The following LEKR1 variants were observed in gnomAD, a reference collection of about 807,000 sequenced individuals.
The protein encoded by LEKR1 is leucine, glutamate and lysine rich 1.
Under a neutral mutation model 72.4 loss-of-function variants are expected in LEKR1, and 59 were observed. The observed-to-expected ratio is 0.82, with a 90% confidence interval of 0.66 to 1.01. LEKR1 has a LOEUF of 1.01. LEKR1 is among the 50% of genes least tolerant of loss of function. The pLI is 0.00. For synonymous variants in LEKR1, 257 were observed against 263.2 expected, an observed-to-expected ratio of 0.98 and a Z score of 0.23; for missense variants, 728 against 759.2, an observed-to-expected ratio of 0.96 and a Z score of 0.48.
At chr3:156,852,487 G>T (rs1715482354) in intron 2 of LEKR1, among the ~76,000 whole-genome samples, 1 of 152,022 alleles carries the variant, frequency 6.6e-6, no homozygotes, top group Non-Finnish European at 1.5e-5. Context: ...ACTATTTTTG[G>T]TTTTATTTTA....
At chr3:156,834,084 G>A (rs1560011321) in intron 2 of LEKR1, among the ~76,000 whole-genome samples, 1 of 151,960 alleles carries the variant, frequency 6.6e-6, no homozygotes, top group Non-Finnish European at 1.5e-5. Flanking sequence ...GTCTTAATCA[G>A]TTTGACCATA....
At chr3:156,847,186 A>G (rs184411711) in intron 2 of LEKR1, among the ~76,000 whole-genome samples, 91 of 152,362 alleles carry the variant, frequency 6.0e-4, no homozygotes, top group Non-Finnish European at 9.0e-4. Flanking sequence ...GTTGAAGCAC[A>G]GACAGGAACT....
At chr3:156,981,013 A>G (rs538199376) in intron 7 of LEKR1, among the ~76,000 whole-genome samples, 1 of 152,322 alleles carries the variant, frequency 6.6e-6, no homozygotes, top group South Asian at 2.1e-4. Flanking sequence ...TACCTTTTCT[A>G]TGGTCAGATA....
chr3:156,863,610 A>G (rs1717000430), intron 3 of LEKR1, among the ~76,000 whole-genome samples: 2 of 152,254 alleles, frequency 1.3e-5, no homozygotes, highest in South Asian at 4.1e-4. Context: ...AGAAAAATGA[A>G]TTAACTCATT....
At chr3:156,973,201 A>G (rs1398068302) in intron 6 of LEKR1, among the ~76,000 whole-genome samples, 1 of 152,104 alleles carries the variant, frequency 6.6e-6, no homozygotes, top group Non-Finnish European at 1.5e-5. Context: ...TTATTTTTTA[A>G]TCAACTTCCA....
intron 7 of LEKR1, among the ~76,000 whole-genome samples, chr3:156,981,044 T>C (rs1730154159): frequency 6.6e-6 from 1 of 152,196 alleles, no homozygotes; most frequent in African/African-American, 2.4e-5. Flanking sequence ...TGCAAATACT[T>C]ACCATTGTGT....
chr3:156,992,835 T>C (rs1327065333), intron 8 of LEKR1, 105 bp downstream of exon 8: 1 of 316,422 alleles, frequency 3.2e-6, no homozygotes, highest in East Asian at 6.5e-5. Flanking sequence ...TATTTTCTTA[T>C]TGTTTACATA....
chr3:156,959,773 A>G (rs2107982683), intron 6 of LEKR1, among the ~76,000 whole-genome samples: 1 of 152,110 alleles, frequency 6.6e-6, no homozygotes, highest in Middle Eastern at 3.4e-3. Flanking sequence ...TTTATACCTG[A>G]ATTTGTTAAT....
rs570623970 is a variant in LEKR1, at chr3:156,853,845, A to G, written c.263+863A>G. 2.0e-5 allele frequency among the ~76,000 whole-genome samples: 3 copies of G among 152,236 alleles called. No individual in the cohort carries two copies. In the South Asian group the frequency reaches 6.2e-4, roughly 32 times the overall value. ...AAGTATTTTATGATATTTTCATGGA[A>G]AAGCTTAAAAATTTGAAGTATTATT... On this transcript the variant is annotated intron_variant, in intron 3 of 12. Coordinates refer to ENST00000356539, the MANE Select transcript of LEKR1 (RefSeq NM_001004316.3).
intron 3 of LEKR1, among the ~76,000 whole-genome samples, chr3:156,901,344 CTT>C (rs1231580027): frequency 1.9e-4 from 29 of 152,182 alleles, no homozygotes; most frequent in Non-Finnish European, 3.7e-4. Flanking sequence ...ACTTGCCTCT[CTT>C]TCTTGCCTCC....
intron 2 of LEKR1, among the ~76,000 whole-genome samples, chr3:156,833,633 A>G (rs1430805579): frequency 1.3e-5 from 2 of 152,192 alleles, no homozygotes; most frequent in Non-Finnish European, 2.9e-5. Flanking sequence ...TGATGTCAAC[A>G]TGCCAAATAA....
At chr3:157,044,638 C>T (rs901236322) in intron 12 of LEKR1, among the ~76,000 whole-genome samples, 4 of 152,202 alleles carry the variant, frequency 2.6e-5, no homozygotes, top group Admixed American at 1.3e-4. Flanking sequence ...TACGAAGGTA[C>T]AAACTTCTTG....
At chr3:156,984,844 A>G (rs1413204926) in intron 7 of LEKR1, among the ~76,000 whole-genome samples, 1 of 151,990 alleles carries the variant, frequency 6.6e-6, no homozygotes, top group Non-Finnish European at 1.5e-5. Flanking sequence ...TAAACTTTTG[A>G]CCATCACAAA....
intron 5 of LEKR1, among the ~76,000 whole-genome samples, chr3:156,936,564 C>T (rs1449024671): frequency 6.6e-6 from 1 of 152,016 alleles, no homozygotes; most frequent in Non-Finnish European, 1.5e-5. Flanking sequence ...ATTCGTTTCT[C>T]ATTTCTGTTG....
chr3:156,979,127 TTACTC>T (rs1344571150), intron 6 of LEKR1, 62 bp from the exon 7 acceptor site: 2 of 694,786 alleles, frequency 2.9e-6, no homozygotes, highest in Non-Finnish European at 4.5e-6. Context: ...AGAATATGGT[TTACTC>T]TATGAAAATA....
At chr3:157,009,171 A>G (rs1732701033) in intron 9 of LEKR1, among the ~76,000 whole-genome samples, 2 of 152,140 alleles carry the variant, frequency 1.3e-5, no homozygotes, top group Admixed American at 6.5e-5. Flanking sequence ...GTAATTTTAA[A>G]ATGCTTAGTT....
At chr3:156,846,735 G>A (rs1714649237) in intron 2 of LEKR1, among the ~76,000 whole-genome samples, 1 of 152,148 alleles carries the variant, frequency 6.6e-6, no homozygotes, top group Non-Finnish European at 1.5e-5. Flanking sequence ...ACAAAGAATA[G>A]TTTATTTCCT....
intron 5 of LEKR1, among the ~76,000 whole-genome samples, chr3:156,934,240 T>G (rs891668726): frequency 6.6e-6 from 1 of 152,214 alleles, no homozygotes; most frequent in African/African-American, 2.4e-5. Flanking sequence ...GAATTTTGAT[T>G]GTTTTGCTGA....
At chr3:156,843,521 C>T (rs1181747523) in intron 2 of LEKR1, among the ~76,000 whole-genome samples, 1 of 151,956 alleles carries the variant, frequency 6.6e-6, no homozygotes, top group Non-Finnish European at 1.5e-5. Flanking sequence ...ACAGAAGTAG[C>T]GATACAAGGG....
Sources: allele counts gnomAD v4.1 joint callset (sites outside exome capture counted in the v4.1 genomes callset), GRCh38; gene constraint gnomAD v4.1.1; transcripts MANE v1.5; gene names NCBI Gene and HGNC (gene_info 2026-07-23, HGNC 2026-07-21).